Variants in UBR7 observed in about 807,000 individuals in gnomAD.
The protein encoded by UBR7 is ubiquitin protein ligase E3 component n-recognin 7.
UBR7 carries 22 observed loss-of-function variants against 57.0 expected under a neutral mutation model. The ratio of observed to expected loss-of-function variants is 0.39; its 90% confidence interval spans 0.28 to 0.55. UBR7 has a LOEUF of 0.55. Ranked by LOEUF, UBR7 falls within the 20% of genes least tolerant of loss-of-function variation. The pLI is 0.69. For missense variants in UBR7, 395 were observed against 513.2 expected (o/e 0.77, Z 2.23); for synonymous variants, 167 against 179.8 (o/e 0.93, Z 0.57).
chr14:93,227,606 T>G lies in UBR7; in HGVS notation c.*571T>G. 1.4e-6 allele frequency: 1 copy of G among 700,506 alleles called. No homozygotes were observed. The highest frequency in any genetic ancestry group is 2.7e-5 in the East Asian group (1 of 37,286). 43.4% of individuals were successfully genotyped at this position (700,506 alleles called of 1,614,324 possible). A position where few individuals can be genotyped will look rare whatever the true frequency, so the allele number is the denominator to read the frequency against. On this transcript the variant is annotated 3_prime_UTR_variant, in exon 11 of 11. Coordinates refer to ENST00000013070, the MANE Select transcript of UBR7 (RefSeq NM_175748.4). ...GGGCTTGTTTTCTCTAGGCCCAACCTCCAGAGTAGCCAGGACTGATGGTTT... is the reference window on the plus strand; with the variant it reads ...GGGCTTGTTTTCTCTAGGCCCAACCGCCAGAGTAGCCAGGACTGATGGTTT...
In UBR7 at chr14:93,227,503, A is replaced by C. The variant is rs12432271; in HGVS notation, c.*468A>C. The C allele has an allele frequency of 7.4e-3, 5,179 of 696,654 alleles. 221 individuals carry two copies. In the African/African-American group the frequency reaches 0.082, roughly 11 times the overall value. The allele number at this position is 696,654 out of a possible 1,614,324, so 43.2% of individuals were successfully genotyped here. On this transcript the variant is annotated 3_prime_UTR_variant, in exon 11 of 11. Transcript: ENST00000013070. Reference sequence around the variant, plus strand: ...CTATGATCGTGGTGCCTTGGGTCAAAGCTTCCTCAAGCCTGGTCTGCTCCT... The same window carrying C: ...CTATGATCGTGGTGCCTTGGGTCAACGCTTCCTCAAGCCTGGTCTGCTCCT...
At chr14:93,210,813 T>G in intron 3 of UBR7, 105 bp downstream of exon 3, 1 of 969,528 alleles carries the variant, frequency 1.0e-6, no homozygotes, top group Non-Finnish European at 1.6e-6. Flanking sequence ...AAAGAAGTTC[T>G]TATGCTTATT....
At chr14:93,219,052 C>T (rs914316779) in intron 7 of UBR7, among the ~76,000 whole-genome samples, 160 bp from the exon 8 acceptor site, 7 of 146,622 alleles carry the variant, frequency 4.8e-5, no homozygotes, top group African/African-American at 1.9e-4. Context: ...GAGATTCCGT[C>T]TCAAAAAAAA....
intron 1 of UBR7, among the ~76,000 whole-genome samples, chr14:93,208,947 G>A (rs139831172): frequency 0.015 from 2,325 of 152,110 alleles, 32 homozygotes; most frequent in Non-Finnish European, 0.023. Context: ...ACAGGCGCCC[G>A]CCATCACGTC....
At chr14:93,225,637 A>G (rs1012188563) in intron 10 of UBR7, among the ~76,000 whole-genome samples, 2 of 152,150 alleles carry the variant, frequency 1.3e-5, no homozygotes, top group Non-Finnish European at 2.9e-5. Context: ...TGTCTCTAAA[A>G]AGCAATAATA....
rs1246785388 is a variant in UBR7 at position 93,227,373 on chromosome 14, A to G, written c.*338A>G. 1.6e-6 allele frequency: 1 copy of G among 637,932 alleles called. No individual in the cohort carries two copies. Among genetic ancestry groups the G allele is most frequent in the Admixed American group, 2.1e-5 (1 of 48,074 alleles). The allele number at this position is 637,932 out of a possible 1,614,324, so 39.5% of individuals were successfully genotyped here. A position where few individuals can be genotyped will look rare whatever the true frequency, so the allele number is the denominator to read the frequency against. On this transcript the variant is annotated 3_prime_UTR_variant, in exon 11 of 11. Coordinates refer to ENST00000013070, the MANE Select transcript of UBR7 (RefSeq NM_175748.4). The stretch of plus-strand genomic sequence containing the variant: ...TAATGATCTGTTATTTCACTCCCAG[A>G]TGTGTGTGTTTTGCCACAGAGCTGT...
In UBR7 at chr14:93,228,592, G is replaced by C. The variant is rs193051205; in HGVS notation, c.*1557G>C. On this transcript the variant is annotated 3_prime_UTR_variant, in exon 11 of 11. Transcript: ENST00000013070. ...AGATCCTCACGAAGGGTGGTATGTGGAGCTGGAAGGTCTTGTGGCCACAGG... is the reference window on the plus strand; with the variant it reads ...AGATCCTCACGAAGGGTGGTATGTGCAGCTGGAAGGTCTTGTGGCCACAGG... The C allele has an allele frequency of 7.7e-5, 35 of 454,054 alleles. No individual in the cohort carries two copies. The Admixed American group carries it at 8.0e-4, about 10-fold the overall frequency. The allele number at this position is 454,054 out of a possible 1,614,324, so 28.1% of individuals were successfully genotyped here.
In UBR7 at chr14:93,229,108, G is replaced by A. The variant is rs536793555; in HGVS notation, c.*2073G>A. The A allele has an allele frequency of 1.4e-4, 50 of 359,624 alleles. No individual in the cohort carries two copies. Among genetic ancestry groups the A allele is most frequent in the African/African-American group, 1.1e-3 (50 of 46,992 alleles). The allele number at this position is 359,624 out of a possible 1,614,324, so 22.3% of individuals were successfully genotyped here. On this transcript the variant is annotated 3_prime_UTR_variant, in exon 11 of 11. Coordinates refer to ENST00000013070, the MANE Select transcript of UBR7 (RefSeq NM_175748.4). ...ATATGATATTAGTTGCTTTTAAGGA[G>A]TTCTGGCATTGTATGTGCATTTTTG...
At chr14:93,213,160 TAATAA>T (rs907504641) in intron 4 of UBR7, among the ~76,000 whole-genome samples, 1 of 151,862 alleles carries the variant, frequency 6.6e-6, no homozygotes, top group African/African-American at 2.4e-5. Flanking sequence ...TCATAATAAA[TAATAA>T]AATAAAATTG....
rs144415435 is a variant in UBR7 at position 93,215,300 on chromosome 14, T to C, written c.601+19T>C. ...TTGGCAGGTAGGTATCTTTGTGAAG[T>C]TGGTGTGCCACAAACTTGTGCTTGT... On this transcript the variant is annotated intron_variant, in intron 6 of 10. Coordinates refer to ENST00000013070, the MANE Select transcript of UBR7 (RefSeq NM_175748.4). 1.7e-4 allele frequency: 268 copies of C among 1,552,778 alleles called. 1 individual carries two copies. The African/African-American group carries it at 3.1e-3, about 18-fold the overall frequency.
chr14:93,220,551 T>A (rs1399392232), intron 9 of UBR7, 140 bp downstream of exon 9: 1 of 983,034 alleles, frequency 1.0e-6, no homozygotes, highest in Non-Finnish European at 1.5e-6. Context: ...GATTTTCATA[T>A]TGGTGGGTAT....
In UBR7 at chr14:93,214,894, A is replaced by G. The variant is rs376571634; in HGVS notation, c.442-35A>G. 1.1e-5 allele frequency: 18 copies of G among 1,591,048 alleles called. No homozygotes were observed. In the African/African-American group the frequency reaches 2.3e-4, roughly 20 times the overall value. ...AGGTTATTTCCATGTTCCCGAATTC[A>G]ATGTAATCCTTAACAAACTGCTTTT... On this transcript the variant is annotated intron_variant, in intron 4 of 10. Transcript: ENST00000013070.
At chr14:93,216,868 G>A (rs371765574) in intron 6 of UBR7, among the ~76,000 whole-genome samples, 15 of 151,924 alleles carry the variant, frequency 9.9e-5, no homozygotes, top group African/African-American at 2.9e-4. Flanking sequence ...CACCCGCCTC[G>A]GTCTCCCAAA....
intron 4 of UBR7, among the ~76,000 whole-genome samples, chr14:93,214,343 G>A (rs904898951): frequency 6.6e-6 from 1 of 152,158 alleles, no homozygotes; most frequent in Non-Finnish European, 1.5e-5. Context: ...ACAACATTGG[G>A]ATGTTAATTA....
intron 10 of UBR7, among the ~76,000 whole-genome samples, chr14:93,222,726 G>C (rs184593662): frequency 2.6e-5 from 4 of 151,782 alleles, no homozygotes; most frequent in Admixed American, 6.6e-5. Context: ...CTGGGCGACA[G>C]AGCAAGACCC....
intron 8 of UBR7, among the ~76,000 whole-genome samples, chr14:93,219,597 T>C (rs2140104324): frequency 6.6e-6 from 1 of 152,366 alleles, no homozygotes; most frequent in Middle Eastern, 3.4e-3. Context: ...TGGATAATTA[T>C]GCAGTATTTT....
chr14:93,227,948 T>G lies in UBR7; in HGVS notation c.*913T>G. 1.4e-6 allele frequency: 1 copy of G among 700,570 alleles called. No individual in the cohort carries two copies. The highest frequency in any genetic ancestry group is 2.6e-6 in the Non-Finnish European group (1 of 384,796). 43.4% of individuals were successfully genotyped at this position (700,570 alleles called of 1,614,324 possible). A position where few individuals can be genotyped will look rare whatever the true frequency, so the allele number is the denominator to read the frequency against. On this transcript the variant is annotated 3_prime_UTR_variant, in exon 11 of 11. Coordinates refer to ENST00000013070, the MANE Select transcript of UBR7 (RefSeq NM_175748.4). ...TAAGCATATATCAAAAATGGACCTATTTTGATATTCTGTTATGAAAATGTT... is the reference window on the plus strand; with the variant it reads ...TAAGCATATATCAAAAATGGACCTAGTTTGATATTCTGTTATGAAAATGTT...
intron 10 of UBR7, among the ~76,000 whole-genome samples, chr14:93,225,280 A>C (rs74337446): frequency 0.01 from 1,569 of 152,152 alleles, 23 homozygotes; most frequent in African/African-American, 0.036. Context: ...TAGATGGTGG[A>C]CTGCCTTTTA....
chr14:93,227,549 T>C lies in UBR7; in HGVS notation c.*514T>C, dbSNP rs1213741521. ...CTCCTTCTTTCACGTCCCTGTTTTC[T>C]GAGGTTTGGTCATAGCTTAGAAAGG... is the stretch of plus-strand genomic sequence containing the variant. On this transcript the variant is annotated 3_prime_UTR_variant, in exon 11 of 11. Transcript: ENST00000013070. 1 of 699,556 alleles carries C rather than the reference T, an allele frequency of 1.4e-6. No individual in the cohort carries two copies. The highest frequency in any genetic ancestry group is 2.6e-6 in the Non-Finnish European group (1 of 384,536). The allele number at this position is 699,556 out of a possible 1,614,324, so 43.3% of individuals were successfully genotyped here.
Sources: allele counts gnomAD v4.1 joint callset (sites outside exome capture counted in the v4.1 genomes callset), GRCh38; gene constraint gnomAD v4.1.1; transcripts MANE v1.5; gene names NCBI Gene and HGNC (gene_info 2026-07-23, HGNC 2026-07-21).